TAAR1: variants seen among roughly 807,000 people sequenced by gnomAD.
TAAR1 encodes trace amine-associated receptor 1.
In TAAR1, 1 loss-of-function variant was observed where a neutral mutation model predicts 1.2. The ratio of observed to expected loss-of-function variants is 0.81; its 90% confidence interval spans 0.29 to 3.86. The LOEUF (loss-of-function observed/expected upper bound fraction) is 3.86, where lower values mean the gene tolerates loss of function less well. Among genes scored for constraint, TAAR1 ranks in the 30% most tolerant of loss-of-function variants. The pLI, the probability that TAAR1 is intolerant of heterozygous loss-of-function variation, is 0.18. For missense variants in TAAR1, 445 were observed against 405.6 expected (o/e 1.10, Z -0.83); for synonymous variants, 153 against 132.2 (o/e 1.16, Z -1.08).
At chr6:132,656,180 A>G (rs1463309984) in intron 1 of TAAR1, among the ~76,000 whole-genome samples, 2 of 152,078 alleles carry the variant, frequency 1.3e-5, no homozygotes, top group African/African-American at 4.8e-5. Context: ...CAAAAAGAAA[A>G]CAAAAACAAA....
intron 1 of TAAR1, among the ~76,000 whole-genome samples, chr6:132,648,468 G>A (rs1334436850): frequency 6.6e-6 from 1 of 152,158 alleles, no homozygotes; most frequent in Admixed American, 6.6e-5. Flanking sequence ...CAAATTCATA[G>A]GCCTTGTTTT....
chr6:132,650,697 C>G (rs1476241072), intron 1 of TAAR1, among the ~76,000 whole-genome samples: 1 of 152,142 alleles, frequency 6.6e-6, no homozygotes, highest in African/African-American at 2.4e-5. Flanking sequence ...CTTATTGCTG[C>G]AAATTACTGT....
At position 132,645,991 on chromosome 6, in the gene TAAR1, A is replaced by C; in HGVS notation, c.13T>G (p.Cys5Gly). 1 of 1,595,778 alleles carries C rather than the reference A, an allele frequency of 6.3e-7. No individual in the cohort carries two copies. The change falls in exon 2 of 2, where the codon TGC (cysteine) becomes GGC (glycine). Residue 5 changes from cysteine (C) to glycine (G), a missense_variant. By Grantham distance (159) the Cys-to-Gly change is radical. Coordinates refer to ENST00000275216, the MANE Select transcript of TAAR1 (RefSeq NM_138327.4). MMPF[C>G]HNIINISCVK... Reference sequence around the variant, plus strand: ...CAGGAAATATTAATTATATTGTGGCAAAAGGGCATCATTCCTGAGGGCTGT... The same window carrying C: ...CAGGAAATATTAATTATATTGTGGCCAAAGGGCATCATTCCTGAGGGCTGT...
chr6:132,654,990 C>T (rs1777788257), intron 1 of TAAR1, among the ~76,000 whole-genome samples: 1 of 152,138 alleles, frequency 6.6e-6, no homozygotes, highest in African/African-American at 2.4e-5. Flanking sequence ...AAACTTCCTC[C>T]TGACATCCTC....
At chr6:132,651,899 T>A (rs1777754028) in intron 1 of TAAR1, among the ~76,000 whole-genome samples, 1 of 152,200 alleles carries the variant, frequency 6.6e-6, no homozygotes, top group Non-Finnish European at 1.5e-5. Context: ...CAAAGAAACC[T>A]GCATGGTGAC....
intron 1 of TAAR1, among the ~76,000 whole-genome samples, chr6:132,651,143 C>G (rs1777743793): frequency 1.3e-5 from 2 of 152,154 alleles, no homozygotes; most frequent in African/African-American, 4.8e-5. Flanking sequence ...TCCCTCGGCT[C>G]CTGGGTCACC....
At position 132,645,593 on chromosome 6, in the gene TAAR1, G is replaced by A. The variant is rs1777657782; in HGVS notation, c.411C>T (p.Ile137=). The A allele has an allele frequency of 6.2e-7, 1 of 1,613,534 alleles. No individual in the cohort carries two copies. Among genetic ancestry groups the A allele is most frequent in the East Asian group, 2.2e-5 (1 of 44,828 alleles). ...TGAAGATCATCACACAAATAACCAA[G>A]ATATTCATCTTGGCTTTATATCTCA... is the stretch of plus-strand genomic sequence containing the variant. The part of the protein sequence containing the change: ...DPLRYKAKMN[I]LVICVMIFIS... Residue 137 remains isoleucine, a synonymous_variant, in exon 2 of 2, where the codon ATC becomes ATT. Transcript: ENST00000275216.
At position 132,648,024 on chromosome 6, in the gene TAAR1, T is replaced by C. The variant is rs574278113; in HGVS notation, c.-126-1895A>G. Among the ~76,000 whole-genome samples, 7 of 152,164 alleles carry C rather than the reference T, an allele frequency of 4.6e-5. No individual in the cohort carries two copies. In the East Asian group the frequency reaches 1.3e-3, roughly 29 times the overall value. On this transcript the variant is annotated intron_variant, in intron 1 of 1. Transcript: ENST00000275216. ...GATTTATTTAAAAAGACACACAGGCTCATTCCATGATAGAAGCTAAACAGC... is the reference window on the plus strand; with the variant it reads ...GATTTATTTAAAAAGACACACAGGCCCATTCCATGATAGAAGCTAAACAGC...
At position 132,655,428 on chromosome 6, in the gene TAAR1, G is replaced by A. The variant is rs1471202573; in HGVS notation, c.-127+3702C>T. On this transcript the variant is annotated intron_variant, in intron 1 of 1. Coordinates refer to ENST00000275216, the MANE Select transcript of TAAR1 (RefSeq NM_138327.4). ...AAGGTCTTGCTGTGTCACCTAGCCT[G>A]GAGTGCAATGGTGCCATCATGGTTC... 4.2e-5 allele frequency among the ~76,000 whole-genome samples: 6 copies of A among 144,028 alleles called. No individual in the cohort carries two copies. The East Asian group carries it at 1.2e-3, about 30-fold the overall frequency. The allele number at this position is 144,028 out of a possible 152,430, so 94.5% of individuals were successfully genotyped here.
chr6:132,646,512 A>C (rs983038684), intron 1 of TAAR1, among the ~76,000 whole-genome samples: 1 of 152,180 alleles, frequency 6.6e-6, no homozygotes, highest in African/African-American at 2.4e-5. Context: ...AAATATGTTT[A>C]TGAAAAAGAC....
rs1180809875 is a variant in TAAR1 at position 132,644,339 on chromosome 6, A to T, written c.*645T>A. 1.3e-5 allele frequency among the ~76,000 whole-genome samples: 2 copies of T among 151,740 alleles called. No homozygotes were observed. ...TTTAGATGATATAATCCTTACCAGG[A>T]AGTATACTATGAATAACATTTTTTT... On this transcript the variant is annotated 3_prime_UTR_variant, in exon 2 of 2. Coordinates refer to ENST00000275216, the MANE Select transcript of TAAR1 (RefSeq NM_138327.4).
chr6:132,656,189 A>G (rs1305895781), intron 1 of TAAR1, among the ~76,000 whole-genome samples: 2 of 152,192 alleles, frequency 1.3e-5, no homozygotes, highest in Non-Finnish European at 2.9e-5. Flanking sequence ...AACAAAAACA[A>G]AAAAAACTAT....
rs910346842 is a variant in TAAR1, at chr6:132,644,757, C to G, written c.*227G>C. On this transcript the variant is annotated 3_prime_UTR_variant, in exon 2 of 2. Coordinates refer to ENST00000275216, the MANE Select transcript of TAAR1 (RefSeq NM_138327.4). ...TATATAAAATGTAGGCCTTTAAATA[C>G]TGGATTTGCAAAGTTCCATTATGTG... Among the ~76,000 whole-genome samples, 1 of 151,980 alleles carries G rather than the reference C, an allele frequency of 6.6e-6. No homozygotes were observed. Among genetic ancestry groups the G allele is most frequent in the African/African-American group, 2.4e-5 (1 of 41,410 alleles).
At position 132,645,051 on chromosome 6, in the gene TAAR1, A is replaced by G. The variant is rs750810740; in HGVS notation, c.953T>C (p.Met318Thr). The G allele has an allele frequency of 6.2e-7, 1 of 1,600,224 alleles. No individual in the cohort carries two copies. Among genetic ancestry groups the G allele is most frequent in the South Asian group, 1.1e-5 (1 of 87,494 alleles). ...TTTTTGGAAAATTTTACCAAACAGC[A>G]TCATCTTCAGTGCTTTTCTAAACCA... Reference protein sequence around the residue: ...YPWFRKALKMMLFGKIFQKDS... With the variant: ...YPWFRKALKMTLFGKIFQKDS... The change falls in exon 2 of 2, where the codon ATG becomes ACG. Residue 318 changes from methionine to threonine, a missense_variant. Physicochemically the swap from Met to Thr is moderately conservative, Grantham distance 81. Transcript: ENST00000275216.
intron 1 of TAAR1, among the ~76,000 whole-genome samples, chr6:132,647,396 A>G (rs988371162): frequency 2.0e-5 from 3 of 147,614 alleles, no homozygotes; most frequent in African/African-American, 7.5e-5. Flanking sequence ...ACACACACAT[A>G]TATAACACAT....
chr6:132,648,336 T>C (rs1025247750), intron 1 of TAAR1, among the ~76,000 whole-genome samples: 4 of 152,202 alleles, frequency 2.6e-5, no homozygotes, highest in African/African-American at 9.6e-5. Context: ...TGATGTCATA[T>C]TGAGTAGGGA....
At chr6:132,649,358 C>T (rs1777722854) in intron 1 of TAAR1, among the ~76,000 whole-genome samples, 1 of 152,122 alleles carries the variant, frequency 6.6e-6, no homozygotes, top group Non-Finnish European at 1.5e-5. Flanking sequence ...CCTTGTACCT[C>T]TTCATATTAT....
At position 132,644,897 on chromosome 6, in the gene TAAR1, T is replaced by C. The variant is rs1582749095; in HGVS notation, c.*87A>G. On this transcript the variant is annotated 3_prime_UTR_variant, in exon 2 of 2. Transcript: ENST00000275216. ...CTCAAGTAACTGATTTAAAAAAAAA[T>C]CCATGTGGTTGGTGCATGTGGTTCG... The C allele has an allele frequency of 1.8e-6, 2 of 1,116,590 alleles. No individual in the cohort carries two copies. Among genetic ancestry groups the C allele is most frequent in the Non-Finnish European group, 2.5e-6 (2 of 807,836 alleles). The allele number at this position is 1,116,590 out of a possible 1,614,324, so 69.2% of individuals were successfully genotyped here. A position where few individuals can be genotyped will look rare whatever the true frequency, so the allele number is the denominator to read the frequency against.
chr6:132,652,763 A>G (rs1422370827), intron 1 of TAAR1, among the ~76,000 whole-genome samples: 1 of 150,960 alleles, frequency 6.6e-6, no homozygotes, highest in Admixed American at 6.6e-5. Context: ...TATATTATTG[A>G]CTCAAGGACA....
Sources: allele counts gnomAD v4.1 joint callset (sites outside exome capture counted in the v4.1 genomes callset), GRCh38; gene constraint gnomAD v4.1.1; transcripts MANE v1.5; gene names NCBI Gene and HGNC (gene_info 2026-07-23, HGNC 2026-07-21).